The following ZNF236 variants were observed in gnomAD, a reference collection of about 807,000 sequenced individuals.
ZNF236 encodes the protein zinc finger protein 236.
In ZNF236, 50 loss-of-function variants were observed where a neutral mutation model predicts 191.2. The observed-to-expected ratio is 0.26, with a 90% CI of 0.21 to 0.33. The LOEUF is 0.33. Among genes scored for constraint, ZNF236 ranks in the 10% least tolerant of loss-of-function variants. The pLI is 1.00. For synonymous variants in ZNF236, 907 were observed against 928.8 expected (o/e 0.98, Z 0.43); for missense variants, 1,754 against 2,374.5 (o/e 0.74, Z 5.43).
At chr18:76,934,559 T>G (rs1189046975) in intron 25 of ZNF236, among the ~76,000 whole-genome samples, 1 of 152,232 alleles carries the variant, frequency 6.6e-6, no homozygotes, top group Non-Finnish European at 1.5e-5. Flanking sequence ...CCAGTATTTG[T>G]TTTCTATTTA....
intron 9 of ZNF236, chr18:76,887,959 G>A (rs1439437455): frequency 6.7e-6 from 1 of 149,164 alleles, no homozygotes; most frequent in African/African-American, 2.5e-5. Context: ...CTTCTGATTT[G>A]TATAATGATT....
chr18:76,937,232 C>G lies in ZNF236; in HGVS notation c.4671C>G (p.Val1557=). ...SPSAISTQNL[V]MSSSGVGGDA... ...CGGCCATCTCGACTCAGAACCTGGT[C>G]ATGTCCTCGTCGGGCGTGGGAGGTG... Residue 1557 remains valine, a synonymous_variant, in exon 26 of 31, where the codon GTC becomes GTG. Transcript: ENST00000320610. The G allele has an allele frequency of 6.2e-7, 1 of 1,614,178 alleles. No individual in the cohort carries two copies. Among genetic ancestry groups the G allele is most frequent in the East Asian group, 2.2e-5 (1 of 44,880 alleles).
At chr18:76,940,853 A>C (rs1236999204) in intron 26 of ZNF236, among the ~76,000 whole-genome samples, 1 of 152,218 alleles carries the variant, frequency 6.6e-6, no homozygotes, top group Non-Finnish European at 1.5e-5. Flanking sequence ...GCCGCACAGC[A>C]GGGGTGAGCG....
At chr18:76,841,386 T>G (rs1241788264) in intron 1 of ZNF236, among the ~76,000 whole-genome samples, 2 of 152,252 alleles carry the variant, frequency 1.3e-5, no homozygotes, top group Admixed American at 1.3e-4. Context: ...GAATCTGTTC[T>G]TGGAAAACAG....
chr18:76,913,965 A>G lies in ZNF236; in HGVS notation c.3061+67A>G, dbSNP rs1359031825. ...AAAAAGCTTTATTGAGATATAATCC[A>G]TATACCATTCAGTTCACCCACTTAA... is the stretch of plus-strand genomic sequence containing the variant. On this transcript the variant is annotated intron_variant, in intron 18 of 30. Transcript: ENST00000320610. 2.1e-5 allele frequency: 32 copies of G among 1,546,766 alleles called. No homozygotes were observed. The East Asian group carries it at 2.7e-4, about 13-fold the overall frequency.
At chr18:76,952,897 G>A (rs1968441759) in intron 27 of ZNF236, among the ~76,000 whole-genome samples, 1 of 152,226 alleles carries the variant, frequency 6.6e-6, no homozygotes, top group African/African-American at 2.4e-5. Context: ...GGCATGTAAT[G>A]TTCCCTGGCA....
intron 16 of ZNF236, among the ~76,000 whole-genome samples, 156 bp downstream of exon 16, chr18:76,910,967 T>C (rs1165272435): frequency 1.3e-5 from 2 of 152,238 alleles, no homozygotes; most frequent in Non-Finnish European, 2.9e-5. Flanking sequence ...AAATCCTCAG[T>C]GTTTAGTACA....
At chr18:76,830,017 C>T (rs543407096) in intron 1 of ZNF236, among the ~76,000 whole-genome samples, 83 of 152,236 alleles carry the variant, frequency 5.5e-4, no homozygotes, top group African/African-American at 1.9e-3. Context: ...ATTACAGGCA[C>T]GCGCCACCAC....
At chr18:76,871,181 G>A (rs796196182) in intron 4 of ZNF236, among the ~76,000 whole-genome samples, 5 of 152,332 alleles carry the variant, frequency 3.3e-5, no homozygotes, top group African/African-American at 1.2e-4. Context: ...GACATGGAAA[G>A]GAGCAGGTTG....
chr18:76,829,317 A>G (rs1975098507), intron 1 of ZNF236, among the ~76,000 whole-genome samples: 1 of 134,110 alleles, frequency 7.5e-6, no homozygotes, highest in Non-Finnish European at 1.5e-5. Context: ...GCATTATGGA[A>G]TCTCCTGGGG....
chr18:76,914,666 T>C, intron 18 of ZNF236, among the ~76,000 whole-genome samples: 1 of 152,238 alleles, frequency 6.6e-6, no homozygotes, highest in East Asian at 1.9e-4. Flanking sequence ...GTTAAACATC[T>C]TTCACAGACG....
At chr18:76,949,951 C>G (rs2122927479) in intron 27 of ZNF236, among the ~76,000 whole-genome samples, 1 of 124,384 alleles carries the variant, frequency 8.0e-6, no homozygotes. Flanking sequence ...GCCACTGTGC[C>G]TGACCAGCAT....
intron 20 of ZNF236, among the ~76,000 whole-genome samples, chr18:76,922,715 C>T (rs1181538768): frequency 6.6e-6 from 1 of 152,100 alleles, no homozygotes; most frequent in Non-Finnish European, 1.5e-5. Context: ...TGCCACCACT[C>T]CCTGTTAATT....
chr18:76,847,723 C>T (rs9963865), intron 1 of ZNF236, among the ~76,000 whole-genome samples: 3 of 152,088 alleles, frequency 2.0e-5, no homozygotes, highest in African/African-American at 7.2e-5. Flanking sequence ...CCCGCCTTGG[C>T]CTCCTGCCTC....
intron 6 of ZNF236, among the ~76,000 whole-genome samples, chr18:76,876,419 G>A (rs1323485684): frequency 6.6e-6 from 1 of 152,048 alleles, no homozygotes; most frequent in Non-Finnish European, 1.5e-5. Context: ...TTTTTACTTA[G>A]AATAATACCT....
intron 7 of ZNF236, among the ~76,000 whole-genome samples, chr18:76,878,594 C>G (rs568898192): frequency 1.7e-4 from 26 of 151,028 alleles, no homozygotes; most frequent in African/African-American, 6.0e-4. Flanking sequence ...AATACATATG[C>G]CTACACACAG....
At position 76,908,558 on chromosome 18, in the gene ZNF236, C is replaced by G. The variant is rs1453773451; in HGVS notation, c.2536C>G (p.Leu846Val). ...GLGQQLADQP[L>V]EADEDGFVAP... ...GGGCCAGCAGTTGGCAGATCAGCCCCTGGAAGCAGATGAAGGTAAATGTTT... is the reference window on the plus strand; with the variant it reads ...GGGCCAGCAGTTGGCAGATCAGCCCGTGGAAGCAGATGAAGGTAAATGTTT... The change falls in exon 14 of 31, where the codon CTG becomes GTG. Residue 846 changes from leucine to valine, a missense_variant. By Grantham distance (32) the Leu-to-Val change is conservative (BLOSUM62 1). This residue lies in a region of ZNF236 where 641 missense variants were observed against 869.6 expected (regional missense o/e 0.74). Coordinates refer to ENST00000320610, the MANE Select transcript of ZNF236 (RefSeq NM_001306089.2). 3 of 1,607,622 alleles carry G rather than the reference C, an allele frequency of 1.9e-6. No homozygotes were observed. The highest frequency in any genetic ancestry group is 2.5e-6 in the Non-Finnish European group (3 of 1,177,026).
intron 26 of ZNF236, among the ~76,000 whole-genome samples, chr18:76,945,351 A>G (rs1240347015): frequency 6.6e-6 from 1 of 152,234 alleles, no homozygotes; most frequent in Non-Finnish European, 1.5e-5. Context: ...AGTTTTTCAA[A>G]TTGGGTAGTC....
intron 3 of ZNF236, among the ~76,000 whole-genome samples, chr18:76,861,259 G>A (rs1049328657): frequency 3.3e-5 from 5 of 152,190 alleles, no homozygotes; most frequent in Non-Finnish European, 5.9e-5. Context: ...TAGGGCAGCC[G>A]TGCCCTCAGG....
Sources: allele counts gnomAD v4.1 joint callset (sites outside exome capture counted in the v4.1 genomes callset), GRCh38; gene constraint gnomAD v4.1.1; regional missense constraint gnomAD v4.1.1; transcripts MANE v1.5; gene names NCBI Gene and HGNC (gene_info 2026-07-23, HGNC 2026-07-21).